Variants in ANO4 observed in about 807,000 individuals in gnomAD.
The protein encoded by ANO4 is anoctamin-4.
ANO4 carries 69 observed loss-of-function variants against 141.9 expected under a neutral mutation model. The observed-to-expected ratio is 0.49, with a 90% CI of 0.40 to 0.59. The LOEUF is 0.59. Ranked by LOEUF, ANO4 falls within the 20% of genes least tolerant of loss-of-function variation. The pLI is 0.00. For synonymous variants in ANO4, 350 were observed against 394.3 expected (o/e 0.89, Z 1.33); for missense variants, 894 against 1,162.2 (o/e 0.77, Z 3.36).
At chr12:101,079,399 T>TAAAAG in intron 15 of ANO4, 124 bp downstream of exon 15, 1 of 778,504 alleles carries the variant, frequency 1.3e-6, no homozygotes. Flanking sequence ...GCATTTTCAA[T>TAAAAG]TGCCTTTTCA....
intron 24 of ANO4, among the ~76,000 whole-genome samples, chr12:101,115,583 A>G (rs2050821766): frequency 6.6e-6 from 1 of 152,256 alleles, no homozygotes; most frequent in Non-Finnish European, 1.5e-5. Context: ...AAAAATGTAT[A>G]CAGGATGTAT....
intron 1 of ANO4, among the ~76,000 whole-genome samples, chr12:100,802,936 T>A (rs190863434): frequency 1.3e-5 from 2 of 152,354 alleles, no homozygotes; most frequent in Admixed American, 1.3e-4. Context: ...CTGACAATTC[T>A]ATGATAAACC....
chr12:100,818,178 T>C (rs534913163), intron 1 of ANO4, among the ~76,000 whole-genome samples: 1 of 152,046 alleles, frequency 6.6e-6, no homozygotes, highest in African/African-American at 2.4e-5. Context: ...ATTAAAATTA[T>C]ATAGTTATAA....
chr12:101,046,210 A>G (rs77880354), intron 13 of ANO4, among the ~76,000 whole-genome samples: 8,615 of 152,342 alleles, frequency 0.057, 348 homozygotes, highest in Non-Finnish European at 0.08. Context: ...TAATCTGCCA[A>G]TGCTGGGGTT....
At chr12:100,828,522 C>T (rs114986091) in intron 1 of ANO4, among the ~76,000 whole-genome samples, 2,689 of 152,104 alleles carry the variant, frequency 0.018, 74 homozygotes, top group African/African-American at 0.06. Context: ...AGTATTTACA[C>T]GTATGAGTCC....
At chr12:100,928,432 A>G (rs1357734056) in intron 3 of ANO4, among the ~76,000 whole-genome samples, 1 of 152,228 alleles carries the variant, frequency 6.6e-6, no homozygotes, top group East Asian at 1.9e-4. Context: ...GGGAAATTGT[A>G]TTTCCATATT....
intron 1 of ANO4, among the ~76,000 whole-genome samples, chr12:100,878,273 A>T (rs2039410439): frequency 6.6e-6 from 1 of 152,212 alleles, no homozygotes; most frequent in Non-Finnish European, 1.5e-5. Flanking sequence ...CTGAGAAGAT[A>T]TTGATGAAAC....
chr12:100,898,838 G>A (rs1475233843), intron 1 of ANO4, among the ~76,000 whole-genome samples: 1 of 152,164 alleles, frequency 6.6e-6, no homozygotes, highest in Non-Finnish European at 1.5e-5. Context: ...GAGAGTGCAT[G>A]TATCATCTGA....
At chr12:100,901,110 G>A (rs2040572788) in intron 1 of ANO4, among the ~76,000 whole-genome samples, 1 of 152,114 alleles carries the variant, frequency 6.6e-6, no homozygotes, top group Non-Finnish European at 1.5e-5. Context: ...CAAAGGGAGT[G>A]GGATCGATGA....
chr12:101,070,489 T>A (rs1486556658), intron 14 of ANO4, among the ~76,000 whole-genome samples: 1 of 152,158 alleles, frequency 6.6e-6, no homozygotes, highest in African/African-American at 2.4e-5. Flanking sequence ...TAGACCCTTA[T>A]CTTTCCGCAT....
chr12:101,038,172 T>A (rs2047271787), intron 10 of ANO4, among the ~76,000 whole-genome samples: 1 of 152,184 alleles, frequency 6.6e-6, no homozygotes, highest in African/African-American at 2.4e-5. Flanking sequence ...AATGCTCCAT[T>A]TACTATGACA....
intron 1 of ANO4, among the ~76,000 whole-genome samples, chr12:100,828,955 G>A (rs2036500063): frequency 6.6e-6 from 1 of 151,884 alleles, no homozygotes; most frequent in African/African-American, 2.4e-5. Context: ...AGGAGGTGGA[G>A]GTTGCAGTGA....
chr12:101,103,228 T>TATA (rs2050280177), intron 22 of ANO4, among the ~76,000 whole-genome samples: 4 of 136,416 alleles, frequency 2.9e-5, no homozygotes, highest in African/African-American at 1.1e-4. Flanking sequence ...TATATATATA[T>TATA]ATCTTTTTGT....
At chr12:101,051,579 T>C (rs1298436827) in intron 14 of ANO4, among the ~76,000 whole-genome samples, 1 of 152,250 alleles carries the variant, frequency 6.6e-6, no homozygotes, top group Non-Finnish European at 1.5e-5. Flanking sequence ...TTAACAGTTA[T>C]ATTAATAGCA....
intron 16 of ANO4, among the ~76,000 whole-genome samples, chr12:101,085,392 T>C (rs762314939): frequency 3.9e-5 from 6 of 152,198 alleles, no homozygotes; most frequent in African/African-American, 1.4e-4. Context: ...AAAAGGTTAG[T>C]TGTAGCTGTA....
At chr12:100,957,275 AG>A (rs1270316070) in intron 5 of ANO4, among the ~76,000 whole-genome samples, 2 of 152,210 alleles carry the variant, frequency 1.3e-5, no homozygotes, top group Non-Finnish European at 2.9e-5. Flanking sequence ...AAAACCTGGG[AG>A]GTGTCCTGGC....
At chr12:101,042,232 A>G (rs951997924) in intron 11 of ANO4, 102 bp from the exon 12 acceptor site, 3 of 1,444,984 alleles carry the variant, frequency 2.1e-6, no homozygotes, top group East Asian at 4.7e-5. Flanking sequence ...CTTGCAGTTT[A>G]CCTCGTAAGG....
At position 100,887,577 on chromosome 12, in the gene ANO4, T is replaced by C. The variant is rs566046920; in HGVS notation, c.-140-14069T>C. ...ATTGATGTCATGTCCTCCTGCGAAG[T>C]GCATTAGCTGTCCTTGCCTTTGCTG... On this transcript the variant is annotated intron_variant, in intron 1 of 27. Transcript: ENST00000392977. Among the ~76,000 whole-genome samples the C allele has an allele frequency of 2.2e-4, 34 of 152,230 alleles. 1 individual carries two copies. In the South Asian group the frequency reaches 4.8e-3, roughly 21 times the overall value.
At chr12:100,819,974 T>C (rs1400298782) in intron 1 of ANO4, among the ~76,000 whole-genome samples, 2 of 151,934 alleles carry the variant, frequency 1.3e-5, no homozygotes, top group East Asian at 3.9e-4. Flanking sequence ...TGTCTTTTGA[T>C]CCCTGGTATC....
Sources: allele counts gnomAD v4.1 joint callset (sites outside exome capture counted in the v4.1 genomes callset), GRCh38; gene constraint gnomAD v4.1.1; transcripts MANE v1.5; gene names NCBI Gene and HGNC (gene_info 2026-07-23, HGNC 2026-07-21).